Variants in COL22A1 observed in about 807,000 individuals in gnomAD.
COL22A1 encodes collagen alpha-1(XXII) chain.
COL22A1 carries 221 observed loss-of-function variants against 248.9 expected under a neutral mutation model. The ratio of observed to expected loss-of-function variants is 0.89; its 90% CI spans 0.80 to 0.99. The LOEUF (loss-of-function observed/expected upper bound fraction) is 0.99. COL22A1 is among the 50% of genes least tolerant of loss of function. The probability of loss-of-function intolerance (pLI) is 0.00; values close to 1 mark genes in which losing one functional copy is unlikely to be tolerated. For missense variants in COL22A1, 2,240 were observed against 2,179.0 expected (o/e 1.03, Z -0.56); for synonymous variants, 891 against 793.4 (o/e 1.12, Z -2.07).
chr8:138,763,884 A>G (rs1833711579), intron 16 of COL22A1, among the ~76,000 whole-genome samples: 1 of 152,062 alleles, frequency 6.6e-6, no homozygotes. Context: ...TTCATCTATT[A>G]TCCCTGTACA....
At position 138,762,449 on chromosome 8, in the gene COL22A1, A is replaced by G; in HGVS notation, c.1821T>C (p.Asp607=). 1 of 1,614,160 alleles carries G rather than the reference A, an allele frequency of 6.2e-7. No individual in the cohort carries two copies. The highest frequency in any genetic ancestry group is 8.5e-7 in the Non-Finnish European group (1 of 1,180,026). ...TRGEKGERGL[D]GFPGKPGDTG... ...TGTCCCCAGGCTTCCCAGGGAATCC[A>G]TCCAGGCCTCGCTCTCCCTGGCAAA... Residue 607 remains aspartate (D), a synonymous_variant, in exon 17 of 65, where the codon GAT becomes GAC. Coordinates refer to ENST00000303045, the MANE Select transcript of COL22A1 (RefSeq NM_152888.3).
At chr8:138,715,386 T>C (rs367798891) in intron 30 of COL22A1, among the ~76,000 whole-genome samples, 2 of 151,722 alleles carry the variant, frequency 1.3e-5, no homozygotes, top group East Asian at 3.9e-4. Context: ...CTGGCTAACA[T>C]GGAGAAATCT....
chr8:138,895,922 C>T (rs1424842818), intron 1 of COL22A1, among the ~76,000 whole-genome samples: 1 of 152,128 alleles, frequency 6.6e-6, no homozygotes, highest in Non-Finnish European at 1.5e-5. Flanking sequence ...GGAGAAGTGA[C>T]ACATTGTCTA....
intron 3 of COL22A1, among the ~76,000 whole-genome samples, chr8:138,869,272 T>C (rs886477255): frequency 6.6e-6 from 1 of 152,204 alleles, no homozygotes; most frequent in African/African-American, 2.4e-5. Context: ...GAAAGTCTCA[T>C]ATTGCATTGT....
intron 23 of COL22A1, among the ~76,000 whole-genome samples, chr8:138,733,638 G>A (rs935924035): frequency 2.6e-5 from 4 of 152,270 alleles, no homozygotes; most frequent in Admixed American, 2.0e-4. Flanking sequence ...GATCAACCTC[G>A]GTTTTCCAGG....
chr8:138,776,119 C>T, intron 15 of COL22A1, 109 bp from the exon 16 acceptor site: 1 of 1,069,524 alleles, frequency 9.3e-7, no homozygotes, highest in Admixed American at 1.7e-5. Context: ...CCCAGGGTGG[C>T]AGGGATGGTG....
At chr8:138,638,467 A>T (rs1034340359) in intron 47 of COL22A1, among the ~76,000 whole-genome samples, 1 of 152,108 alleles carries the variant, frequency 6.6e-6, no homozygotes, top group Non-Finnish European at 1.5e-5. Flanking sequence ...CAGTTCTCTC[A>T]TGGAAACATC....
At chr8:138,715,759 A>G in intron 29 of COL22A1, 24 bp from the exon 30 acceptor site, 1 of 1,576,848 alleles carries the variant, frequency 6.3e-7, no homozygotes, top group South Asian at 1.1e-5. Flanking sequence ...TAAAATTAGA[A>G]AACATTAGAA....
intron 36 of COL22A1, among the ~76,000 whole-genome samples, chr8:138,690,166 G>A (rs1176509283): frequency 6.6e-6 from 1 of 152,220 alleles, no homozygotes; most frequent in Non-Finnish European, 1.5e-5. Flanking sequence ...AAGGCTTGAT[G>A]AAGAAACAAG....
chr8:138,608,017 C>G (rs1818560796), intron 56 of COL22A1, 28 bp from the exon 57 acceptor site: 1 of 1,611,492 alleles, frequency 6.2e-7, no homozygotes, highest in Non-Finnish European at 8.5e-7. Context: ...GGTAATCATC[C>G]TGCCAGGGCA....
chr8:138,873,911 T>G (rs999828202), intron 3 of COL22A1, among the ~76,000 whole-genome samples: 1 of 152,224 alleles, frequency 6.6e-6, no homozygotes, highest in African/African-American at 2.4e-5. Context: ...AAAAAAACCC[T>G]GATATTTTTA....
chr8:138,772,283 G>A (rs982771921), intron 16 of COL22A1, among the ~76,000 whole-genome samples: 2 of 152,238 alleles, frequency 1.3e-5, no homozygotes, highest in African/African-American at 4.8e-5. Context: ...GGAAGACCCA[G>A]AGGTGAATAA....
In COL22A1 at chr8:138,725,400, G is replaced by C. The variant is rs760204618; in HGVS notation, c.2180C>G (p.Pro727Arg). 1.2e-5 allele frequency: 20 copies of C among 1,613,988 alleles called. No homozygotes were observed. The South Asian group carries it at 2.1e-4, about 17-fold the overall frequency. ...AGCCAGTCTTACCGGAGAACCTCCC[G>C]GTCCAGGGGGGCCTGGGACACCAGG... ...GPPGVPGPPG[P>R]GGSPGLPGEI... Residue 727 changes from proline (P) to arginine (R), a missense_variant, in exon 24 of 65, where the codon CCG becomes CGG. By Grantham distance (103) the Pro-to-Arg change is moderately radical. Coordinates refer to ENST00000303045, the MANE Select transcript of COL22A1 (RefSeq NM_152888.3).
intron 1 of COL22A1, among the ~76,000 whole-genome samples, chr8:138,901,196 C>T (rs1814523081): frequency 6.6e-6 from 1 of 151,368 alleles, no homozygotes. Flanking sequence ...GCAAAGACTC[C>T]TCTTAGTTGG....
intron 44 of COL22A1, among the ~76,000 whole-genome samples, chr8:138,659,500 C>G (rs1184653260): frequency 1.3e-5 from 2 of 152,200 alleles, no homozygotes; most frequent in African/African-American, 4.8e-5. Flanking sequence ...ACTCTTGAGG[C>G]CTGCGATTCC....
chr8:138,867,770 GTTTA>G (rs957901161), intron 3 of COL22A1, among the ~76,000 whole-genome samples: 2 of 152,098 alleles, frequency 1.3e-5, no homozygotes, highest in African/African-American at 2.4e-5. Context: ...TTTATTGTTT[GTTTA>G]TTTATTTATT....
Position 138,724,605 on chromosome 8 carries a change from G to C in COL22A1, c.2247+10C>G, listed in dbSNP as rs375680354. On this transcript the variant is annotated intron_variant, in intron 25 of 64. Transcript: ENST00000303045. ...AGGAGGGGAGCAGGAAGATGTTTCC[G>C]AACACTCACCGTGGGCCCAGGAGGT... 2.5e-6 allele frequency: 4 copies of C among 1,613,654 alleles called. No individual in the cohort carries two copies. Among genetic ancestry groups the C allele is most frequent in the Middle Eastern group, 1.7e-4 (1 of 6,058 alleles).
chr8:138,741,640 G>T (rs1044323444), intron 22 of COL22A1, among the ~76,000 whole-genome samples: 1 of 152,212 alleles, frequency 6.6e-6, no homozygotes, highest in Non-Finnish European at 1.5e-5. Flanking sequence ...ATATGAGGAA[G>T]AAGAAATAGT....
intron 10 of COL22A1, among the ~76,000 whole-genome samples, chr8:138,806,252 ATATGTGTGATGG>A (rs1817717988): frequency 1.0e-5 from 1 of 98,648 alleles, no homozygotes; most frequent in African/African-American, 4.2e-5. Flanking sequence ...ACGTGTGTAT[ATATGTGTGATGG>A]TGTGTGTGAG....
Sources: gnomAD v4.1 joint callset for allele counts (sites outside exome capture counted in the v4.1 genomes callset) on GRCh38, gnomAD v4.1.1 for gene constraint, MANE v1.5 for transcripts, NCBI Gene and HGNC (gene_info 2026-07-23, HGNC 2026-07-21) for gene names.